Variants in NRXN3 observed in about 807,000 individuals in gnomAD.
NRXN3 encodes the protein neurexin 3, also known as neurexin III.
Under a neutral mutation model 137.6 loss-of-function variants are expected in NRXN3, and 32 were observed. That is an observed-to-expected ratio of 0.23 (90% CI 0.18 to 0.31). The LOEUF is 0.31. Ranked by LOEUF, NRXN3 falls within the 10% of genes least tolerant of loss-of-function variation. NRXN3 has a pLI of 1.00. For synonymous variants in NRXN3, 798 were observed against 784.5 expected (o/e 1.02, Z -0.29); for missense variants, 1,574 against 2,062.5 (o/e 0.76, Z 4.59).
intron 8 of NRXN3, among the ~76,000 whole-genome samples, chr14:78,741,855 G>A (rs1373633001): frequency 6.6e-6 from 1 of 152,052 alleles, no homozygotes; most frequent in Non-Finnish European, 1.5e-5. Context: ...TGCCTGCGGT[G>A]CCTACAGAAG....
intron 15 of NRXN3, among the ~76,000 whole-genome samples, chr14:79,026,948 TTTTATATATATATATA>T (rs2099599053): frequency 2.3e-5 from 2 of 87,788 alleles, no homozygotes; most frequent in Admixed American, 1.4e-4. Flanking sequence ...ACTATTATAA[TTTTATATATATATATA>T]TATATATATA....
chr14:78,395,010 T>C (rs1446849846), intron 4 of NRXN3, among the ~76,000 whole-genome samples: 1 of 151,900 alleles, frequency 6.6e-6, no homozygotes, highest in Non-Finnish European at 1.5e-5. Flanking sequence ...TTTCAAGGAA[T>C]CATCTCTTTG....
At chr14:79,710,579 T>C (rs1329140114) in intron 19 of NRXN3, among the ~76,000 whole-genome samples, 7 of 152,214 alleles carry the variant, frequency 4.6e-5, no homozygotes, top group African/African-American at 1.7e-4. Flanking sequence ...CAAGGAGTAC[T>C]ATGATCTGGT....
At chr14:79,710,370 C>CTATT (rs942673399) in intron 19 of NRXN3, among the ~76,000 whole-genome samples, 4 of 152,102 alleles carry the variant, frequency 2.6e-5, no homozygotes, top group Non-Finnish European at 5.9e-5. Context: ...TAATAAAAAT[C>CTATT]TATTTATGTG....
At chr14:79,058,545 C>G (rs1021142713) in intron 15 of NRXN3, among the ~76,000 whole-genome samples, 2 of 152,084 alleles carry the variant, frequency 1.3e-5, no homozygotes, top group African/African-American at 4.8e-5. Flanking sequence ...AGGACTTTGA[C>G]CTGAGTGAAC....
intron 15 of NRXN3, among the ~76,000 whole-genome samples, chr14:79,158,988 T>G (rs1290242432): frequency 1.3e-5 from 2 of 151,790 alleles, no homozygotes; most frequent in African/African-American, 4.8e-5. Context: ...GGAGCACTGT[T>G]GTAGTGGATG....
At chr14:79,022,475 C>A (rs1036016145) in intron 15 of NRXN3, among the ~76,000 whole-genome samples, 1 of 152,170 alleles carries the variant, frequency 6.6e-6, no homozygotes, top group Non-Finnish European at 1.5e-5. Flanking sequence ...AAATGGTCCA[C>A]TGACAGGTCA....
At chr14:79,529,606 C>T (rs969279555) in intron 16 of NRXN3, among the ~76,000 whole-genome samples, 3 of 152,164 alleles carry the variant, frequency 2.0e-5, no homozygotes, top group African/African-American at 7.2e-5. Flanking sequence ...AGCAATTTTT[C>T]AAGTGTGTGA....
rs773414318 is a variant in NRXN3, at chr14:78,689,741, A to G, written c.1222-19476A>G. Among the ~76,000 whole-genome samples, 15 of 152,228 alleles carry G rather than the reference A, an allele frequency of 9.9e-5. 1 individual carries two copies. The South Asian group carries it at 3.1e-3, about 32-fold the overall frequency. ...TGCTTCCTCCTTCTAGGCTGGAATA[A>G]TGTACTATTATTGACACCCCTTCTC... On this transcript the variant is annotated intron_variant, in intron 6 of 20. Coordinates refer to ENST00000335750, the MANE Select transcript of NRXN3 (RefSeq NM_001330195.2).
chr14:78,908,700 A>G (rs1253680474), intron 10 of NRXN3, among the ~76,000 whole-genome samples: 1 of 152,072 alleles, frequency 6.6e-6, no homozygotes, highest in Non-Finnish European at 1.5e-5. Flanking sequence ...AAGAAGGATA[A>G]GACATTGGTT....
At chr14:79,450,897 T>G (rs913613776) in intron 15 of NRXN3, among the ~76,000 whole-genome samples, 3 of 151,586 alleles carry the variant, frequency 2.0e-5, no homozygotes, top group Non-Finnish European at 2.9e-5. Flanking sequence ...AAATTAAAAA[T>G]ATAAAGTTGG....
At chr14:78,336,050 G>T (rs1011740433) in intron 4 of NRXN3, among the ~76,000 whole-genome samples, 1 of 152,192 alleles carries the variant, frequency 6.6e-6, no homozygotes, top group African/African-American at 2.4e-5. Flanking sequence ...AATCACTGGA[G>T]AAGCAAGTTA....
intron 4 of NRXN3, among the ~76,000 whole-genome samples, chr14:78,470,014 C>T (rs1214698749): frequency 6.6e-6 from 1 of 152,220 alleles, no homozygotes; most frequent in Non-Finnish European, 1.5e-5. Context: ...GAGTCAACAA[C>T]AGAATATCTG....
intron 1 of NRXN3, among the ~76,000 whole-genome samples, chr14:78,219,822 T>G (rs1043878869): frequency 6.6e-6 from 1 of 151,792 alleles, no homozygotes; most frequent in Non-Finnish European, 1.5e-5. Flanking sequence ...GTTAGGAGAG[T>G]TGGAAGGAGA....
At chr14:78,720,574 T>C (rs1027907132) in intron 8 of NRXN3, among the ~76,000 whole-genome samples, 3 of 152,196 alleles carry the variant, frequency 2.0e-5, no homozygotes, top group Admixed American at 6.5e-5. Flanking sequence ...ATTTTTGTCC[T>C]ATGATATTCA....
intron 18 of NRXN3, among the ~76,000 whole-genome samples, chr14:79,694,475 AAAGAT>A (rs764960326): frequency 6.6e-6 from 1 of 151,998 alleles, no homozygotes. Flanking sequence ...TTGCATTAAG[AAAGAT>A]AAAATAGTTC....
intron 11 of NRXN3, among the ~76,000 whole-genome samples, chr14:78,959,510 T>C (rs1461975418): frequency 6.6e-6 from 1 of 152,122 alleles, no homozygotes; most frequent in Non-Finnish European, 1.5e-5. Context: ...TAAAGTCTCC[T>C]AAGAAACTTA....
At chr14:79,740,767 T>TAA (rs1555679789) in intron 19 of NRXN3, among the ~76,000 whole-genome samples, 66 of 110,370 alleles carry the variant, frequency 6.0e-4, no homozygotes, top group African/African-American at 2.1e-3. Flanking sequence ...TATATATATA[T>TAA]AACCTTACTT....
intron 20 of NRXN3, among the ~76,000 whole-genome samples, chr14:79,849,897 A>G (rs564888457): frequency 6.6e-6 from 1 of 152,280 alleles, no homozygotes; most frequent in South Asian, 2.1e-4. Context: ...GTTATGAGGA[A>G]CAAAGGTATA....
Sources: allele counts gnomAD v4.1 joint callset (sites outside exome capture counted in the v4.1 genomes callset), GRCh38; gene constraint gnomAD v4.1.1; transcripts MANE v1.5; gene names NCBI Gene and HGNC (gene_info 2026-07-23, HGNC 2026-07-21).